The following EPB41L2 variants were observed in gnomAD, a reference collection of about 807,000 sequenced individuals.
The protein encoded by EPB41L2 is band 4.1-like protein 2.
EPB41L2 carries 43 observed loss-of-function variants against 113.0 expected under a neutral mutation model. That is an observed-to-expected ratio of 0.38 (90% CI 0.30 to 0.49). The LOEUF is 0.49. Ranked by LOEUF, EPB41L2 falls within the 20% of genes least tolerant of loss-of-function variation. The pLI is 0.95. For synonymous variants in EPB41L2, 442 were observed against 436.7 expected (o/e 1.01, Z -0.15); for missense variants, 1,147 against 1,223.4 (o/e 0.94, Z 0.93).
In EPB41L2 at chr6:130,910,854, C is replaced by G. The variant is rs182835965; in HGVS notation, c.811-1991G>C. Among the ~76,000 whole-genome samples, 539 of 152,220 alleles carry G rather than the reference C, an allele frequency of 3.5e-3. 6 individuals are homozygous for G. Among genetic ancestry groups the G allele is most frequent in the Admixed American group, 5.6e-3 (85 of 15,294 alleles). Reference sequence around the variant, plus strand: ...ATCTCACGCCAGTTAGAATGGCGATCGTTAAAAAGTCAGGAAAACAACAGA... The same window carrying G: ...ATCTCACGCCAGTTAGAATGGCGATGGTTAAAAAGTCAGGAAAACAACAGA... On this transcript the variant is annotated intron_variant, in intron 4 of 19. Coordinates refer to ENST00000337057, the MANE Select transcript of EPB41L2 (RefSeq NM_001431.4).
At chr6:130,951,725 G>T (rs1815179748) in intron 3 of EPB41L2, among the ~76,000 whole-genome samples, 1 of 151,916 alleles carries the variant, frequency 6.6e-6, no homozygotes, top group Non-Finnish European at 1.5e-5. Flanking sequence ...TCCCATGAGA[G>T]GATCATACTT....
At chr6:130,872,292 T>C in intron 14 of EPB41L2, 1 of 1,112,800 alleles carries the variant, frequency 9.0e-7, no homozygotes, top group Non-Finnish European at 1.1e-6. Flanking sequence ...CTGGAGGGAA[T>C]GGTGCCTGAA....
rs550034431 is a variant in EPB41L2 at position 130,913,131 on chromosome 6, C to T, written c.811-4268G>A. Among the ~76,000 whole-genome samples, 30 of 152,266 alleles carry T rather than the reference C, an allele frequency of 2.0e-4. No individual in the cohort carries two copies. The East Asian group carries it at 5.8e-3, about 29-fold the overall frequency. On this transcript the variant is annotated intron_variant, in intron 4 of 19. Coordinates refer to ENST00000337057, the MANE Select transcript of EPB41L2 (RefSeq NM_001431.4). ...TCTATTCTCACCTAAAGCACCCGGC[C>T]CTTGTACAAATTACCTAACAGTTTC... is the stretch of plus-strand genomic sequence containing the variant.
intron 4 of EPB41L2, among the ~76,000 whole-genome samples, chr6:130,925,959 A>G (rs552251439): frequency 1.1e-4 from 17 of 152,360 alleles, no homozygotes; most frequent in Admixed American, 8.5e-4. Context: ...CACTCTTATT[A>G]TCTTATATTT....
intron 6 of EPB41L2, among the ~76,000 whole-genome samples, chr6:130,901,416 G>A (rs922439246): frequency 5.3e-5 from 8 of 151,462 alleles, no homozygotes; most frequent in Non-Finnish European, 7.4e-5. Context: ...ATGTGTGTGT[G>A]TATATATATA....
Position 130,894,987 on chromosome 6 carries a change from T to C in EPB41L2, c.1369A>G (p.Ile457Val), listed in dbSNP as rs762331216. Residue 457 changes from isoleucine (I) to valine (V), a missense_variant, in exon 9 of 20, where the codon ATT becomes GTT. Transcript: ENST00000337057. ...KISYKRSNFY[I>V]KVRPAELEQF... ...CTTACCTCTGCCGGTCTGACTTTAA[T>C]GTAGAAGTTACTGCGTTTATAGGAA... is the stretch of plus-strand genomic sequence containing the variant. 9 of 1,613,850 alleles carry C rather than the reference T, an allele frequency of 5.6e-6. No individual in the cohort carries two copies. The highest frequency in any genetic ancestry group is 7.6e-6 in the Non-Finnish European group (9 of 1,179,808).
At chr6:130,891,473 G>T (rs1043443156) in intron 10 of EPB41L2, among the ~76,000 whole-genome samples, 2 of 147,272 alleles carry the variant, frequency 1.4e-5, no homozygotes, top group Non-Finnish European at 1.5e-5. Flanking sequence ...TTTTGAGAAG[G>T]AGTCTCGCTC....
At chr6:130,855,675 T>C (rs981470878) in intron 19 of EPB41L2, among the ~76,000 whole-genome samples, 2 of 152,186 alleles carry the variant, frequency 1.3e-5, no homozygotes, top group Admixed American at 1.3e-4. Flanking sequence ...AAAGAAGATA[T>C]ATACAAATAG....
At chr6:131,057,573 C>T (rs1034846148) in intron 1 of EPB41L2, among the ~76,000 whole-genome samples, 2 of 152,164 alleles carry the variant, frequency 1.3e-5, no homozygotes, top group African/African-American at 2.4e-5. Context: ...GTTATAATGG[C>T]CCAGCCCTGA....
intron 1 of EPB41L2, among the ~76,000 whole-genome samples, chr6:131,041,216 T>C (rs1375810344): frequency 6.6e-6 from 1 of 151,592 alleles, no homozygotes; most frequent in Non-Finnish European, 1.5e-5. Flanking sequence ...CCATGTTTTT[T>C]ACAAATACAT....
chr6:131,060,091 A>C (rs1327103220), intron 1 of EPB41L2, among the ~76,000 whole-genome samples: 1 of 152,214 alleles, frequency 6.6e-6, no homozygotes, highest in Non-Finnish European at 1.5e-5. Flanking sequence ...AGGCTACTTC[A>C]GTTCAAAAAA....
At chr6:130,878,459 G>A (rs1020573542) in intron 13 of EPB41L2, 12 of 479,000 alleles carry the variant, frequency 2.5e-5, no homozygotes, top group African/African-American at 6.1e-5. Context: ...AAGTCAATGC[G>A]TACTTCTTCA....
intron 19 of EPB41L2, among the ~76,000 whole-genome samples, chr6:130,845,605 T>C (rs11961204): frequency 0.075 from 11,338 of 152,168 alleles, 646 homozygotes; most frequent in African/African-American, 0.15. Context: ...GGTCTCGAAC[T>C]CCAGGCCTCA....
chr6:131,001,274 T>C (rs949106746), intron 1 of EPB41L2, among the ~76,000 whole-genome samples: 3 of 151,938 alleles, frequency 2.0e-5, no homozygotes, highest in African/African-American at 7.3e-5. Flanking sequence ...AGAGCTCCAA[T>C]GCCTACTCTG....
intron 3 of EPB41L2, among the ~76,000 whole-genome samples, chr6:130,937,694 C>T (rs1209453601): frequency 6.6e-6 from 1 of 152,104 alleles, no homozygotes; most frequent in Non-Finnish European, 1.5e-5. Flanking sequence ...TGGCAGGTGG[C>T]TGTAATCCCA....
At chr6:131,040,518 T>C (rs545299001) in intron 1 of EPB41L2, among the ~76,000 whole-genome samples, 5 of 152,310 alleles carry the variant, frequency 3.3e-5, no homozygotes, top group South Asian at 2.1e-4. Flanking sequence ...TTTATCACCA[T>C]TTTGCTATTC....
At chr6:131,029,222 T>C (rs2128748744) in intron 1 of EPB41L2, among the ~76,000 whole-genome samples, 1 of 152,206 alleles carries the variant, frequency 6.6e-6, no homozygotes, top group South Asian at 2.1e-4. Context: ...GGTAAGGAAA[T>C]ACAAGACTTT....
chr6:130,865,879 T>C, intron 16 of EPB41L2: 1 of 431,806 alleles, frequency 2.3e-6, no homozygotes, highest in East Asian at 3.8e-5. Flanking sequence ...ACATAGTAGG[T>C]GGGACTGAAA....
intron 16 of EPB41L2, among the ~76,000 whole-genome samples, chr6:130,866,522 C>T (rs912333150): frequency 2.0e-5 from 3 of 152,174 alleles, no homozygotes; most frequent in Admixed American, 6.5e-5. Flanking sequence ...CTAATGCTCC[C>T]CCGCCAAGCT....
Sources: allele counts gnomAD v4.1 joint callset (sites outside exome capture counted in the v4.1 genomes callset), GRCh38; gene constraint gnomAD v4.1.1; transcripts MANE v1.5; gene names NCBI Gene and HGNC (gene_info 2026-07-23, HGNC 2026-07-21).